SAXO1: variants seen among roughly 807,000 people sequenced by gnomAD.
SAXO1 encodes the protein 4930500O09Rik.
A neutral mutation model predicts 17.5 loss-of-function variants in SAXO1; 21 were observed. The ratio of observed to expected loss-of-function variants is 1.20; its 90% CI spans 0.85 to 1.72. The LOEUF is 1.72. SAXO1 is among the 40% of genes most tolerant of loss of function. SAXO1 has a pLI of 0.00. For synonymous variants in SAXO1, 274 were observed against 216.5 expected, an observed-to-expected ratio of 1.27 and a Z score of -2.33; for missense variants, 843 against 596.0, an observed-to-expected ratio of 1.41 and a Z score of -4.32.
chr9:19,044,562 T>C (rs1196451230), intron 1 of SAXO1, among the ~76,000 whole-genome samples: 1 of 152,190 alleles, frequency 6.6e-6, no homozygotes, highest in Non-Finnish European at 1.5e-5. Flanking sequence ...GTGACTTAGC[T>C]GACTCAAGAA....
intron 2 of SAXO1, among the ~76,000 whole-genome samples, chr9:18,948,551 T>C (rs775950111): frequency 9.2e-5 from 14 of 152,144 alleles, no homozygotes; most frequent in Non-Finnish European, 1.9e-4. Context: ...TTCTGGGTGA[T>C]ATGTTTATTG....
chr9:18,956,965 C>A (rs900149109), intron 1 of SAXO1, among the ~76,000 whole-genome samples: 2 of 152,230 alleles, frequency 1.3e-5, no homozygotes, highest in African/African-American at 4.8e-5. Context: ...CAACTGGACG[C>A]CCAGGTCTGC....
At chr9:18,930,011 C>G (rs756875280) in intron 3 of SAXO1, among the ~76,000 whole-genome samples, 1 of 152,202 alleles carries the variant, frequency 6.6e-6, no homozygotes, top group Non-Finnish European at 1.5e-5. Flanking sequence ...AAATACAAGG[C>G]TCAGAGGAGC....
chr9:19,046,838 C>T lies in SAXO1; in HGVS notation c.-158+2371G>A, dbSNP rs1454330082. Reference sequence around the variant, plus strand: ...CTATGATCTCACCACTGCACTCCAGCCTGGTTGACAGAGAAAGATCCTGTC... The same window carrying T: ...CTATGATCTCACCACTGCACTCCAGTCTGGTTGACAGAGAAAGATCCTGTC... On this transcript the variant is annotated intron_variant, in intron 1 of 3. Transcript: ENST00000542071. Among the ~76,000 whole-genome samples, 10 of 152,140 alleles carry T rather than the reference C, an allele frequency of 6.6e-5. No homozygotes were observed. In the South Asian group the frequency reaches 1.7e-3, roughly 25 times the overall value.
chr9:18,972,014 G>A (rs975143555), intron 1 of SAXO1, among the ~76,000 whole-genome samples: 4 of 152,244 alleles, frequency 2.6e-5, no homozygotes, highest in Admixed American at 1.3e-4. Context: ...GAACCACGCT[G>A]GAAAAATTGT....
At chr9:18,949,940 A>G (rs1043296015) in intron 2 of SAXO1, among the ~76,000 whole-genome samples, 1 of 152,208 alleles carries the variant, frequency 6.6e-6, no homozygotes, top group African/African-American at 2.4e-5. Context: ...AGAACACATC[A>G]ATCTTTCAGG....
intron 3 of SAXO1, among the ~76,000 whole-genome samples, chr9:18,937,216 C>T (rs923200710): frequency 2.6e-5 from 4 of 152,214 alleles, no homozygotes; most frequent in Non-Finnish European, 5.9e-5. Context: ...AGGACTGACC[C>T]AACCAAATGG....
At chr9:19,007,611 C>T (rs1275116805) in intron 1 of SAXO1, among the ~76,000 whole-genome samples, 2 of 152,194 alleles carry the variant, frequency 1.3e-5, no homozygotes. Flanking sequence ...ACATTACTTT[C>T]TTTTCTTAGG....
intron 1 of SAXO1, among the ~76,000 whole-genome samples, chr9:19,022,001 A>G (rs577954730): frequency 1.3e-5 from 2 of 152,308 alleles, no homozygotes; most frequent in African/African-American, 4.8e-5. Context: ...CCCCTTCCCC[A>G]TTGTGGAAGC....
intron 1 of SAXO1, among the ~76,000 whole-genome samples, chr9:18,967,609 T>C (rs7041516): frequency 0.18 from 27,791 of 152,032 alleles, 5,352 homozygotes; most frequent in African/African-American, 0.49. Flanking sequence ...CAAGCTCGAG[T>C]GTCCCAGGTC....
chr9:19,022,342 C>T (rs1245884957), intron 1 of SAXO1, among the ~76,000 whole-genome samples: 6 of 152,186 alleles, frequency 3.9e-5, no homozygotes, highest in African/African-American at 7.2e-5. Flanking sequence ...CGAGAGTCTG[C>T]GGCTTCATTC....
chr9:18,974,643 G>A lies in SAXO1; in HGVS notation c.39-23706C>T, dbSNP rs577374197. ...GAATAATTTGAGTATTAAAATAAAT[G>A]ATGATAGTAATAGGTTATAACCCAC... is the stretch of plus-strand genomic sequence containing the variant. On this transcript the variant is annotated intron_variant, in intron 1 of 3. Transcript: ENST00000380534. Among the ~76,000 whole-genome samples, 37 of 152,326 alleles carry A rather than the reference G, an allele frequency of 2.4e-4. 2 individuals carry two copies. In the South Asian group the frequency reaches 3.1e-3, roughly 13 times the overall value.
chr9:19,040,200 G>A (rs1287869733), intron 1 of SAXO1, among the ~76,000 whole-genome samples: 1 of 152,154 alleles, frequency 6.6e-6, no homozygotes, highest in Non-Finnish European at 1.5e-5. Flanking sequence ...AAGGATAAGG[G>A]TAGAGTTTAC....
At chr9:19,015,584 T>C (rs1409402464) in intron 1 of SAXO1, among the ~76,000 whole-genome samples, 2 of 151,710 alleles carry the variant, frequency 1.3e-5, no homozygotes, top group African/African-American at 4.8e-5. Context: ...CCTCGAGTGA[T>C]CACCCACTTC....
At chr9:18,935,578 G>C (rs1251993514) in intron 3 of SAXO1, among the ~76,000 whole-genome samples, 2 of 152,066 alleles carry the variant, frequency 1.3e-5, no homozygotes, top group Non-Finnish European at 2.9e-5. Flanking sequence ...CTTTCTGATT[G>C]CCCTTTAGTC....
intron 3 of SAXO1, among the ~76,000 whole-genome samples, chr9:18,929,904 C>T (rs1280797764): frequency 6.6e-6 from 1 of 152,206 alleles, no homozygotes; most frequent in Non-Finnish European, 1.5e-5. Context: ...AACTACATGT[C>T]GGTCAATTGT....
chr9:19,021,336 G>C (rs1394651163), intron 1 of SAXO1, among the ~76,000 whole-genome samples: 1 of 152,198 alleles, frequency 6.6e-6, no homozygotes, highest in East Asian at 1.9e-4. Context: ...CACCGCAAGA[G>C]CCATAAGGTC....
At chr9:18,977,131 CTT>C (rs1833184529) in intron 1 of SAXO1, among the ~76,000 whole-genome samples, 1 of 152,204 alleles carries the variant, frequency 6.6e-6, no homozygotes, top group South Asian at 2.1e-4. Flanking sequence ...GTTGCCTTCT[CTT>C]ATAAACTGGC....
chr9:18,981,416 A>C (rs1833379599), intron 1 of SAXO1, among the ~76,000 whole-genome samples: 1 of 152,096 alleles, frequency 6.6e-6, no homozygotes, highest in Non-Finnish European at 1.5e-5. Flanking sequence ...CAAACACTAG[A>C]ACTCAGGCTT....
Sources: gnomAD v4.1 joint callset for allele counts (sites outside exome capture counted in the v4.1 genomes callset) on GRCh38, gnomAD v4.1.1 for gene constraint, MANE v1.5 for transcripts, NCBI Gene and HGNC (gene_info 2026-07-23, HGNC 2026-07-21) for gene names.